COL20A1: variants seen among roughly 807,000 people sequenced by gnomAD.
The protein encoded by COL20A1 is collagen type XX alpha 1 chain.
A neutral mutation model predicts 152.9 loss-of-function variants in COL20A1; 164 were observed. That is an observed-to-expected ratio of 1.07 (90% CI 0.94 to 1.22). The LOEUF is 1.22. Among genes scored for constraint, COL20A1 ranks in the 50% most tolerant of loss-of-function variants. The pLI is 0.00. For synonymous variants in COL20A1, 864 were observed against 756.0 expected (o/e 1.14, Z -2.34); for missense variants, 1,873 against 1,744.8 (o/e 1.07, Z -1.31).
chr20:63,299,952 G>A (rs779144908), intron 3 of COL20A1, among the ~76,000 whole-genome samples: 2 of 151,386 alleles, frequency 1.3e-5, no homozygotes, highest in African/African-American at 4.9e-5. Flanking sequence ...TCTGTCACCC[G>A]GGCTGGAGTG....
rs371016549 is a variant in COL20A1 at position 63,328,438 on chromosome 20, C to T, written c.3721C>T (p.Arg1241Cys). The change falls in exon 34 of 36, where the codon CGC becomes TGC. Residue 1241 changes from arginine to cysteine, a missense_variant. Coordinates refer to ENST00000358894, the MANE Select transcript of COL20A1 (RefSeq NM_020882.4). ...GTEPLGSPGT[R>C]SKALVPGEWG... is the part of the protein sequence containing the mutation. ...TGAGCCCCTGGGGTCCCCTGGCACC[C>T]GCAGCAAGGCCCTGGTTCCTGGAGA... 5.0e-6 allele frequency: 8 copies of T among 1,612,394 alleles called. No individual in the cohort carries two copies. The East Asian group carries it at 6.7e-5, about 13-fold the overall frequency.
chr20:63,329,898 C>T (rs982624945), intron 35 of COL20A1, among the ~76,000 whole-genome samples: 2 of 152,018 alleles, frequency 1.3e-5, no homozygotes, highest in Non-Finnish European at 2.9e-5. Context: ...GGTCACAGGA[C>T]GTGGGGTTCC....
chr20:63,328,211 C>T lies in COL20A1; in HGVS notation c.3613+84C>T, dbSNP rs535294337. 391 of 1,567,722 alleles carry T rather than the reference C, an allele frequency of 2.5e-4. 2 individuals are homozygous for T. In the African/African-American group the frequency reaches 4.7e-3, roughly 19 times the overall value. ...CTGTCTGTCCTCACACTGGCCAGGCCGAGGGAGGCCGCCTTCACCCATCGT... is the reference window on the plus strand; with the variant it reads ...CTGTCTGTCCTCACACTGGCCAGGCTGAGGGAGGCCGCCTTCACCCATCGT... On this transcript the variant is annotated intron_variant, in intron 33 of 35. Transcript: ENST00000358894.
rs374717534 is a variant in COL20A1 at position 63,307,567 on chromosome 20, C to T, written c.574C>T (p.His192Tyr). 3.7e-6 allele frequency: 6 copies of T among 1,612,580 alleles called. No homozygotes were observed. The highest frequency in any genetic ancestry group is 4.2e-6 in the Non-Finnish European group (5 of 1,179,740). ...GGTGGACGGGTCCTGGAGCATTGGC[C>T]ACAGTCACTTCCAGCAGGTCAAGGA... ...FLVDGSWSIG[H>Y]SHFQQVKDFL... Residue 192 changes from histidine to tyrosine, a missense_variant, in exon 6 of 36, where the codon CAC (histidine) becomes TAC (tyrosine). By Grantham distance (83) the His-to-Tyr change is moderately conservative. Transcript: ENST00000358894.
Position 63,311,702 on chromosome 20 carries a change from G to A in COL20A1, c.1617G>A (p.Leu539=). The A allele has an allele frequency of 1.2e-6, 2 of 1,605,068 alleles. No individual in the cohort carries two copies. The highest frequency in any genetic ancestry group is 1.1e-5 in the South Asian group (1 of 90,186). The part of the protein sequence containing the change: ...GRDYEVSVQS[L]RGPEGSEARG... The stretch of plus-strand genomic sequence containing the variant: ...ACTATGAGGTCTCGGTGCAGAGCCT[G>A]CGAGGCCCTGAGGGCAGCGAGGCCC... Residue 539 remains leucine (L), a synonymous_variant, in exon 13 of 36, where the codon CTG becomes CTA. Transcript: ENST00000358894. This position sits in a 1 kb window ranked among gnomAD's most constrained non-coding sequence, Gnocchi z 4.4.
chr20:63,329,580 C>G lies in COL20A1; in HGVS notation c.3782-5C>G. On this transcript the variant is annotated splice_polypyrimidine_tract_variant and splice_region_variant and intron_variant, in intron 34 of 35. Transcript: ENST00000358894. ...CGTCCTCACATGCCCTCCCTTTCCT[C>G]GCAGGGGAGCCTGGAGCTGTTGGTC... 6.2e-7 allele frequency: 1 copy of G among 1,608,514 alleles called. No individual in the cohort carries two copies. Among genetic ancestry groups the G allele is most frequent in the Non-Finnish European group, 8.5e-7 (1 of 1,178,564 alleles).
intron 19 of COL20A1, 80 bp downstream of exon 19, chr20:63,314,281 A>G: frequency 1.5e-6 from 2 of 1,315,350 alleles, no homozygotes; most frequent in African/African-American, 1.5e-5. Context: ...CCAGCTCCAG[A>G]CTCATCCAAC....
intron 24 of COL20A1, 28 bp downstream of exon 24, chr20:63,320,225 G>A: frequency 1.2e-6 from 2 of 1,601,440 alleles, no homozygotes; most frequent in African/African-American, 2.7e-5. Flanking sequence ...CACCTGCTGG[G>A]CCACGCTGGT....
intron 2 of COL20A1, among the ~76,000 whole-genome samples, chr20:63,295,447 G>A (rs1013228103): frequency 9.9e-5 from 15 of 152,226 alleles, no homozygotes; most frequent in Admixed American, 2.6e-4. Flanking sequence ...GTTATTCCAC[G>A]AACACCTTTC....
chr20:63,309,266 C>T (rs2067970785), intron 8 of COL20A1, 67 bp from the exon 9 acceptor site: 2 of 1,279,646 alleles, frequency 1.6e-6, no homozygotes, highest in African/African-American at 3.1e-5. Context: ...CATGGAGACC[C>T]CCACCGCAGG....
intron 5 of COL20A1, among the ~76,000 whole-genome samples, chr20:63,307,032 G>C (rs1468836029): frequency 6.6e-6 from 1 of 152,342 alleles, no homozygotes; most frequent in Middle Eastern, 3.4e-3. Flanking sequence ...TCTCCCCGGG[G>C]GTCTGGCCCT....
chr20:63,306,500 G>A lies in COL20A1; in HGVS notation c.496+461G>A, dbSNP rs1165972552. Among the ~76,000 whole-genome samples, 2 of 152,242 alleles carry A rather than the reference G, an allele frequency of 1.3e-5. No homozygotes were observed. Among genetic ancestry groups the A allele is most frequent in the East Asian group, 1.9e-4 (1 of 5,200 alleles). ...TTTGGGAACCTCCAGCCTGGGTCTAGGGGGTGGTGAGAGGGGTGGGTCATG... is the reference window on the plus strand; with the variant it reads ...TTTGGGAACCTCCAGCCTGGGTCTAAGGGGTGGTGAGAGGGGTGGGTCATG... On this transcript the variant is annotated intron_variant, in intron 5 of 35. Coordinates refer to ENST00000358894, the MANE Select transcript of COL20A1 (RefSeq NM_020882.4). This position sits in a 1 kb window ranked among gnomAD's most constrained non-coding sequence, Gnocchi z 6.9.
In COL20A1 at chr20:63,319,627, G is replaced by C; in HGVS notation, c.2916+31G>C. The C allele has an allele frequency of 6.7e-7, 1 of 1,483,614 alleles. No homozygotes were observed. The highest frequency in any genetic ancestry group is 9.2e-7 in the Non-Finnish European group (1 of 1,087,744). 91.9% of individuals were successfully genotyped at this position (1,483,614 alleles called of 1,614,324 possible). A position where few individuals can be genotyped will look rare whatever the true frequency, so the allele number is the denominator to read the frequency against. ...GGTGCAGCTCGCGCCCCTCTCCCCC[G>C]TTCCCCCAGCTCTGGGGCAGCCCAG... On this transcript the variant is annotated intron_variant, in intron 23 of 35. Transcript: ENST00000358894. The surrounding 1 kb of genome is among the most constrained non-coding windows in gnomAD (Gnocchi z 4.4).
chr20:63,329,524 CAG>C, intron 34 of COL20A1, 59 bp from the exon 35 acceptor site: 1 of 1,354,516 alleles, frequency 7.4e-7, no homozygotes, highest in South Asian at 1.2e-5. Context: ...CTGTCCCCGT[CAG>C]AACAGGGCCC....
chr20:63,320,263 G>A (rs779675055), intron 24 of COL20A1, 28 bp from the exon 25 acceptor site: 24 of 1,607,030 alleles, frequency 1.5e-5, no homozygotes, highest in Non-Finnish European at 4.2e-6. Context: ...CTGAGCCCCG[G>A]GGCTGAGCCG....
Position 63,305,431 on chromosome 20 carries a change from G to T in COL20A1, c.208G>T (p.Glu70Ter). ...VKPMAGDSEQEVILTTKTPKA... is the reference protein window; with the variant it reads ...VKPMAGDSEQ Reference sequence around the variant, plus strand: ...CCCCTACCCAGGGGACTCGGAACAGGAGGTGATACTGACCACCAAGACCCC... The same window carrying T: ...CCCCTACCCAGGGGACTCGGAACAGTAGGTGATACTGACCACCAAGACCCC... The change falls in exon 4 of 36, where the codon GAG (glutamate) becomes TAG (stop). Residue 70 changes from glutamate to a stop codon, truncating the protein, a stop_gained. Transcript: ENST00000358894. LOFTEE classifies it high-confidence loss of function. The surrounding 1 kb of genome is among the most constrained non-coding windows in gnomAD (Gnocchi z 4.9). 1.9e-6 allele frequency: 3 copies of T among 1,571,978 alleles called. No homozygotes were observed. Among genetic ancestry groups the T allele is most frequent in the Non-Finnish European group, 1.7e-6 (2 of 1,162,880 alleles).
intron 8 of COL20A1, 127 bp from the exon 9 acceptor site, chr20:63,309,206 C>A (rs916890679): frequency 1.5e-6 from 1 of 668,348 alleles, no homozygotes; most frequent in Non-Finnish European, 2.2e-6. Flanking sequence ...ATGTGGGTGG[C>A]AGGTGGGCCG....
rs763041446 is a variant in COL20A1, at chr20:63,305,545, C to T, written c.322C>T (p.Arg108Trp). The T allele has an allele frequency of 8.1e-6, 13 of 1,600,128 alleles. No homozygotes were observed. The highest frequency in any genetic ancestry group is 1.0e-5 in the Non-Finnish European group (12 of 1,174,532). The change falls in exon 4 of 36, where the codon CGG becomes TGG. Residue 108 changes from arginine to tryptophan, a missense_variant. By Grantham distance (101) the Arg-to-Trp change is moderately radical (BLOSUM62 -3). Coordinates refer to ENST00000358894, the MANE Select transcript of COL20A1 (RefSeq NM_020882.4). The surrounding 1 kb of genome is among the most constrained non-coding windows in gnomAD (Gnocchi z 4.9). ...TGGCTCTGGGCGCTTCCTGCTAGCTCGGAGGGAGTTTGTGAGTAAGTCCAC... is the reference window on the plus strand; with the variant it reads ...TGGCTCTGGGCGCTTCCTGCTAGCTTGGAGGGAGTTTGTGAGTAAGTCCAC... The part of the protein sequence containing the change: ...LTGSGRFLLA[R>W]REFVIEDLKS...
chr20:63,294,076 G>T (rs1322849355), intron 1 of COL20A1, among the ~76,000 whole-genome samples: 1 of 129,436 alleles, frequency 7.7e-6, no homozygotes, highest in African/African-American at 3.0e-5. Flanking sequence ...GCCCGAGTTG[G>T]TGCGTGGGGT....
Sources: gnomAD v4.1 joint callset for allele counts (sites outside exome capture counted in the v4.1 genomes callset) on GRCh38, gnomAD v4.1.1 for gene constraint, Gnocchi (gnomAD v3.1) non-coding constraint, MANE v1.5 for transcripts, NCBI Gene and HGNC (gene_info 2026-07-23, HGNC 2026-07-21) for gene names.